Variants in ZC3HAV1 observed in about 807,000 individuals in gnomAD.
The protein encoded by ZC3HAV1 is zinc finger CCCH-type antiviral protein 1.
Under a neutral mutation model 86.6 loss-of-function variants are expected in ZC3HAV1, and 41 were observed. That is an observed-to-expected ratio of 0.47 (90% CI 0.37 to 0.61). The LOEUF (loss-of-function observed/expected upper bound fraction) is 0.61, where lower values mean the gene tolerates loss of function less well. Ranked by LOEUF, ZC3HAV1 falls within the 20% of genes least tolerant of loss-of-function variation. The probability of loss-of-function intolerance (pLI) is 0.00; values close to 1 mark genes in which losing one functional copy is unlikely to be tolerated. For missense variants in ZC3HAV1, 964 were observed against 1,141.1 expected, an observed-to-expected ratio of 0.84 and a Z score of 2.24; for synonymous variants, 421 against 432.1, an observed-to-expected ratio of 0.97 and a Z score of 0.32.
chr7:139,076,650 G>A (rs1441820925), intron 5 of ZC3HAV1, among the ~76,000 whole-genome samples: 2 of 152,140 alleles, frequency 1.3e-5, no homozygotes, highest in African/African-American at 4.8e-5. Context: ...CCACCACTCT[G>A]GGAGGCCGAA....
intron 10 of ZC3HAV1, among the ~76,000 whole-genome samples, chr7:139,054,791 G>A (rs572685705): frequency 5.9e-4 from 90 of 151,846 alleles, no homozygotes; most frequent in African/African-American, 2.1e-3. Flanking sequence ...TTGTTTTTTG[G>A]AGACAGAGTC....
In ZC3HAV1 at chr7:139,045,780, T is replaced by G. The variant is rs1815936666; in HGVS notation, c.*1814A>C. ...AGTTGGACAAACTGCACCCCTACAA[T>G]GTGAGGGTCAAGTTCAGAAAATGAA... On this transcript the variant is annotated 3_prime_UTR_variant, in exon 13 of 13. Coordinates refer to ENST00000242351, the MANE Select transcript of ZC3HAV1 (RefSeq NM_020119.4). The G allele has an allele frequency of 6.6e-6, 1 of 151,798 alleles. No individual in the cohort carries two copies. The highest frequency in any genetic ancestry group is 2.1e-4 in the South Asian group (1 of 4,818). The allele number at this position is 151,798 out of a possible 1,614,324, so 9.4% of individuals were successfully genotyped here. A position where few individuals can be genotyped will look rare whatever the true frequency, so the allele number is the denominator to read the frequency against.
rs150199764 is a variant in ZC3HAV1, at chr7:139,078,791, A to G, written c.1472-138T>C. ...AATTCCTATGATTTATGTTTTGCCC[A>G]TGAGCATCTAGACAGCCCCTCCATA... On this transcript the variant is annotated intron_variant, in intron 4 of 12. Coordinates refer to ENST00000242351, the MANE Select transcript of ZC3HAV1 (RefSeq NM_020119.4). The G allele has an allele frequency of 7.9e-4, 586 of 743,338 alleles. 6 individuals are homozygous for G. In the East Asian group the frequency reaches 0.016, roughly 20 times the overall value. 46.0% of individuals were successfully genotyped at this position (743,338 alleles called of 1,614,324 possible).
chr7:139,097,527 T>C (rs1380757594), intron 1 of ZC3HAV1, among the ~76,000 whole-genome samples: 2 of 148,018 alleles, frequency 1.4e-5, no homozygotes, highest in Non-Finnish European at 3.0e-5. Flanking sequence ...CTCCACCTCC[T>C]GGGTTCACGC....
intron 1 of ZC3HAV1, among the ~76,000 whole-genome samples, chr7:139,092,844 ACCCAGT>A (rs894034170): frequency 6.6e-6 from 1 of 152,164 alleles, no homozygotes; most frequent in African/African-American, 2.4e-5. Flanking sequence ...CTCACCCTGA[ACCCAGT>A]CTCAACCTGC....
chr7:139,060,394 C>T, intron 9 of ZC3HAV1: 1 of 987,206 alleles, frequency 1.0e-6, no homozygotes, highest in Non-Finnish European at 1.2e-6. Context: ...TACAATGAAT[C>T]CCCCACAGCA....
At chr7:139,063,695 G>T (rs1329097596) in intron 8 of ZC3HAV1, among the ~76,000 whole-genome samples, 8 of 142,264 alleles carry the variant, frequency 5.6e-5, no homozygotes, top group African/African-American at 2.1e-4. Flanking sequence ...CCGCACTCTA[G>T]CCTGAGTGAT....
intron 3 of ZC3HAV1, among the ~76,000 whole-genome samples, chr7:139,082,923 T>C (rs1432006382): frequency 6.6e-6 from 1 of 152,116 alleles, no homozygotes; most frequent in Non-Finnish European, 1.5e-5. Flanking sequence ...AAATTATACA[T>C]AGTTTTGCAT....
chr7:139,080,026 G>C lies in ZC3HAV1; in HGVS notation c.915C>G (p.Arg305=), dbSNP rs755007428. Reference sequence around the variant, plus strand: ...TGGACGAGCCTGAGGGAGGCCGAGCGCGATCCTGACTCCCCAGATACGTGA... The same window carrying C: ...TGGACGAGCCTGAGGGAGGCCGAGCCCGATCCTGACTCCCCAGATACGTGA... ...RKFTYLGSQD[R]ARPPSGSSKA... Residue 305 remains arginine, a synonymous_variant, in exon 4 of 13, where the codon CGC becomes CGG. Transcript: ENST00000242351. 1 of 1,614,120 alleles carries C rather than the reference G, an allele frequency of 6.2e-7. No individual in the cohort carries two copies. Among genetic ancestry groups the C allele is most frequent in the African/African-American group, 1.3e-5 (1 of 75,018 alleles).
chr7:139,044,369 C>T lies in ZC3HAV1; in HGVS notation c.*3225G>A, dbSNP rs1490355435. 6.6e-6 allele frequency: 1 copy of T among 152,144 alleles called. No individual in the cohort carries two copies. The highest frequency in any genetic ancestry group is 1.5e-5 in the Non-Finnish European group (1 of 68,026). 9.4% of individuals were successfully genotyped at this position (152,144 alleles called of 1,614,324 possible). On this transcript the variant is annotated 3_prime_UTR_variant, in exon 13 of 13. Coordinates refer to ENST00000242351, the MANE Select transcript of ZC3HAV1 (RefSeq NM_020119.4). ...CCTACTCATTACAAGGAAGAGTAAA[C>T]ATCTGTCTGTTTCAAACAGCGTAGT...
intron 3 of ZC3HAV1, among the ~76,000 whole-genome samples, chr7:139,083,050 A>G (rs1817170864): frequency 6.7e-6 from 1 of 149,578 alleles, no homozygotes; most frequent in Admixed American, 6.7e-5. Context: ...ACATATATCA[A>G]ATGCTTTAAA....
intron 1 of ZC3HAV1, among the ~76,000 whole-genome samples, chr7:139,102,082 C>T (rs1351225884): frequency 6.6e-6 from 1 of 150,946 alleles, no homozygotes; most frequent in Non-Finnish European, 1.5e-5. Flanking sequence ...AAGCATATAC[C>T]AAAATGTTCA....
chr7:139,106,139 T>G (rs1817929515), intron 1 of ZC3HAV1, among the ~76,000 whole-genome samples: 1 of 151,696 alleles, frequency 6.6e-6, no homozygotes, highest in Admixed American at 6.6e-5. Flanking sequence ...ATCCCTATAT[T>G]ATATATATTC....
At chr7:139,100,726 T>C (rs928348282) in intron 1 of ZC3HAV1, among the ~76,000 whole-genome samples, 2 of 152,026 alleles carry the variant, frequency 1.3e-5, no homozygotes, top group African/African-American at 4.8e-5. Context: ...TTTGGCATTA[T>C]CACATAAAAC....
Position 139,047,695 on chromosome 7 carries a change from T to C in ZC3HAV1, c.2608A>G (p.Thr870Ala), listed in dbSNP as rs148093298. 2 of 1,614,140 alleles carry C rather than the reference T, an allele frequency of 1.2e-6. No homozygotes were observed. Among genetic ancestry groups the C allele is most frequent in the East Asian group, 2.2e-5 (1 of 44,880 alleles). Reference sequence around the variant, plus strand: ...ACAAAAACGGAGGGATTCGATCTGGTATCCACACAGCTGTCGAACTGTGGA... The same window carrying C: ...ACAAAAACGGAGGGATTCGATCTGGCATCCACACAGCTGTCGAACTGTGGA... ...PPPQFDSCVD[T>A]RSNPSVFVIF... Residue 870 changes from threonine to alanine, a missense_variant, in exon 13 of 13, where the codon ACC becomes GCC. Physicochemically the swap from Thr to Ala is moderately conservative, Grantham distance 58. Coordinates refer to ENST00000242351, the MANE Select transcript of ZC3HAV1 (RefSeq NM_020119.4).
At chr7:139,075,412 C>T (rs1369968418) in intron 6 of ZC3HAV1, among the ~76,000 whole-genome samples, 1 of 152,168 alleles carries the variant, frequency 6.6e-6, no homozygotes, top group Non-Finnish European at 1.5e-5. Context: ...CCCATTTCAG[C>T]TCTTCCAGAA....
chr7:139,076,843 G>A (rs1563132406), intron 5 of ZC3HAV1, among the ~76,000 whole-genome samples: 1 of 151,462 alleles, frequency 6.6e-6, no homozygotes, highest in African/African-American at 2.4e-5. Flanking sequence ...GGTGAGCCGA[G>A]ATCACCCCAC....
At position 139,109,011 on chromosome 7, in the gene ZC3HAV1, C is replaced by T. The variant is rs758891543; in HGVS notation, c.308+13G>A. The T allele has an allele frequency of 2.8e-5, 43 of 1,537,600 alleles. No homozygotes were observed. Among genetic ancestry groups the T allele is most frequent in the Non-Finnish European group, 3.7e-5 (42 of 1,135,180 alleles). ...CGGCTGCGGACAGCGCCCCTCCCTC[C>T]GGGTGCACTCACCGCTCGGACTGCG... On this transcript the variant is annotated intron_variant, in intron 1 of 12. Transcript: ENST00000242351.
chr7:139,097,418 A>ATTTTTTTTT (rs1563140611), intron 1 of ZC3HAV1, among the ~76,000 whole-genome samples: 3 of 78,510 alleles, frequency 3.8e-5, no homozygotes, highest in African/African-American at 7.7e-5. Flanking sequence ...ATATATATAT[A>ATTTTTTTTT]TATATATATA....
Sources: gnomAD v4.1 joint callset for allele counts (sites outside exome capture counted in the v4.1 genomes callset) on GRCh38, gnomAD v4.1.1 for gene constraint, MANE v1.5 for transcripts, NCBI Gene and HGNC (gene_info 2026-07-23, HGNC 2026-07-21) for gene names.